The following DGKB variants were observed in gnomAD, a reference collection of about 807,000 sequenced individuals.
DGKB encodes diacylglycerol kinase beta, also known as 90 kDa diacylglycerol kinase.
In DGKB, 67 loss-of-function variants were observed where a neutral mutation model predicts 114.3. That is an observed-to-expected ratio of 0.59 (90% CI 0.48 to 0.72). The LOEUF (loss-of-function observed/expected upper bound fraction) is 0.72. Among genes scored for constraint, DGKB ranks in the 30% least tolerant of loss-of-function variants. The pLI is 0.00. For synonymous variants in DGKB, 398 were observed against 323.1 expected, an observed-to-expected ratio of 1.23 and a Z score of -2.49; for missense variants, 907 against 975.2, an observed-to-expected ratio of 0.93 and a Z score of 0.93.
At chr7:14,746,094 T>A (rs1281416375) in intron 4 of DGKB, among the ~76,000 whole-genome samples, 2 of 152,150 alleles carry the variant, frequency 1.3e-5, no homozygotes, top group African/African-American at 4.8e-5. Context: ...TGCCTGGCAC[T>A]TTGGGAGGCT....
chr7:14,460,163 A>G (rs1832863885), intron 21 of DGKB, among the ~76,000 whole-genome samples: 1 of 152,216 alleles, frequency 6.6e-6, no homozygotes, highest in Non-Finnish European at 1.5e-5. Flanking sequence ...TGTAAAGACC[A>G]TCAATGCTAT....
chr7:14,177,440 C>T (rs916772209), intron 24 of DGKB, among the ~76,000 whole-genome samples: 1 of 151,220 alleles, frequency 6.6e-6, no homozygotes, highest in Non-Finnish European at 1.5e-5. Flanking sequence ...CCTGTAATCC[C>T]AGATACTCGG....
At chr7:14,167,285 A>C (rs1026276911) in intron 25 of DGKB, among the ~76,000 whole-genome samples, 1 of 151,886 alleles carries the variant, frequency 6.6e-6, no homozygotes, top group Non-Finnish European at 1.5e-5. Flanking sequence ...AGTGGAAGGT[A>C]ATTAAAACTC....
chr7:14,683,092 A>C (rs1274404683), intron 10 of DGKB, among the ~76,000 whole-genome samples: 1 of 152,178 alleles, frequency 6.6e-6, no homozygotes, highest in African/African-American at 2.4e-5. Flanking sequence ...ATGCTTAATT[A>C]AATCAGTCCT....
intron 2 of DGKB, among the ~76,000 whole-genome samples, chr7:14,781,784 A>G (rs1839134825): frequency 6.6e-6 from 1 of 152,064 alleles, no homozygotes; most frequent in Non-Finnish European, 1.5e-5. Context: ...TCATTACTGT[A>G]CCCTAAGATA....
intron 21 of DGKB, among the ~76,000 whole-genome samples, chr7:14,428,119 T>A (rs956725291): frequency 2.6e-5 from 4 of 152,104 alleles, no homozygotes; most frequent in African/African-American, 4.8e-5. Flanking sequence ...AATTATTTAA[T>A]GCCTATTGTA....
intron 23 of DGKB, among the ~76,000 whole-genome samples, chr7:14,272,822 G>A (rs1301432945): frequency 6.6e-6 from 1 of 152,114 alleles, no homozygotes; most frequent in Non-Finnish European, 1.5e-5. Flanking sequence ...ATCCTTAAGT[G>A]AAAGATAAGT....
Position 14,338,502 on chromosome 7 carries a change from TTAGAA to T in DGKB, c.2122+8_2122+12del. ...TAACAAGCAATTTAACAACTAATTGTTAGAAAACTGACCTTGACTTGCAAACTTCA... is the reference window on the plus strand; with the variant it reads ...TAACAAGCAATTTAACAACTAATTGTAACTGACCTTGACTTGCAAACTTCA... On this transcript the variant is annotated splice_region_variant and intron_variant, in intron 23 of 25. Coordinates refer to ENST00000402815, the MANE Select transcript of DGKB (RefSeq NM_001350709.2). The T allele has an allele frequency of 1.3e-6, 2 of 1,534,546 alleles. No individual in the cohort carries two copies. Among genetic ancestry groups the T allele is most frequent in the Non-Finnish European group, 1.8e-6 (2 of 1,142,232 alleles).
intron 25 of DGKB, among the ~76,000 whole-genome samples, chr7:14,174,902 T>C (rs1781500367): frequency 6.6e-6 from 1 of 152,190 alleles, no homozygotes; most frequent in Non-Finnish European, 1.5e-5. Flanking sequence ...GATGTATGTG[T>C]ACACATACTG....
At chr7:14,561,266 T>G (rs909025385) in intron 20 of DGKB, among the ~76,000 whole-genome samples, 1 of 152,184 alleles carries the variant, frequency 6.6e-6, no homozygotes, top group Admixed American at 6.5e-5. Flanking sequence ...GCTTTGTTCC[T>G]CCTTTTCTTT....
At chr7:14,183,146 T>C (rs1474189019) in intron 23 of DGKB, among the ~76,000 whole-genome samples, 2 of 152,204 alleles carry the variant, frequency 1.3e-5, no homozygotes, top group Non-Finnish European at 2.9e-5. Flanking sequence ...TGCCTTCCAG[T>C]GATGTTTCAT....
At chr7:14,550,111 T>C (rs1794898230) in intron 20 of DGKB, among the ~76,000 whole-genome samples, 1 of 152,196 alleles carries the variant, frequency 6.6e-6, no homozygotes, top group African/African-American at 2.4e-5. Context: ...GTTTGGGGTT[T>C]TAAGTATTAC....
intron 21 of DGKB, among the ~76,000 whole-genome samples, chr7:14,395,356 C>T (rs1049457606): frequency 6.6e-6 from 1 of 151,908 alleles, no homozygotes; most frequent in Non-Finnish European, 1.5e-5. Context: ...TAATCTCTTC[C>T]AAGCCATTTT....
At chr7:14,256,035 C>T (rs1795918997) in intron 23 of DGKB, among the ~76,000 whole-genome samples, 2 of 152,176 alleles carry the variant, frequency 1.3e-5, no homozygotes, top group Admixed American at 1.3e-4. Flanking sequence ...TCTTATGATT[C>T]TCCTCATTCT....
intron 23 of DGKB, among the ~76,000 whole-genome samples, chr7:14,264,867 G>A (rs1797259377): frequency 6.6e-6 from 1 of 152,114 alleles, no homozygotes; most frequent in Admixed American, 6.6e-5. Context: ...TGAGAAAAAT[G>A]GGGGTTGTTG....
chr7:14,600,533 C>T (rs979215511), intron 17 of DGKB, among the ~76,000 whole-genome samples: 1 of 152,130 alleles, frequency 6.6e-6, no homozygotes, highest in African/African-American at 2.4e-5. Context: ...GTTACCACTC[C>T]AGGTACAATT....
At chr7:14,197,561 A>G (rs1785206905) in intron 23 of DGKB, among the ~76,000 whole-genome samples, 1 of 152,136 alleles carries the variant, frequency 6.6e-6, no homozygotes, top group East Asian at 1.9e-4. Flanking sequence ...CAGATACAGA[A>G]ATATATTTAA....
chr7:14,180,325 G>A (rs1187754376), intron 23 of DGKB, among the ~76,000 whole-genome samples: 1 of 152,068 alleles, frequency 6.6e-6, no homozygotes, highest in Non-Finnish European at 1.5e-5. Flanking sequence ...ATGAATCACA[G>A]GGATCTGTCT....
At chr7:14,794,324 G>A (rs1841101302) in intron 2 of DGKB, among the ~76,000 whole-genome samples, 1 of 152,112 alleles carries the variant, frequency 6.6e-6, no homozygotes, top group African/African-American at 2.4e-5. Flanking sequence ...AGGGAGCACT[G>A]ATAGACTAGG....
Sources: gnomAD v4.1 joint callset for allele counts (sites outside exome capture counted in the v4.1 genomes callset) on GRCh38, gnomAD v4.1.1 for gene constraint, MANE v1.5 for transcripts, NCBI Gene and HGNC (gene_info 2026-07-23, HGNC 2026-07-21) for gene names.